Variants in MID2 observed in about 807,000 individuals in gnomAD.
The protein encoded by MID2 is probable E3 ubiquitin-protein ligase MID2.
Under a neutral mutation model 46.1 loss-of-function variants are expected in MID2, and 13 were observed. The observed-to-expected ratio is 0.28, with a 90% CI of 0.18 to 0.45. The LOEUF (loss-of-function observed/expected upper bound fraction) is 0.45. Among genes scored for constraint, MID2 ranks in the 20% least tolerant of loss-of-function variants. The pLI is 1.00. For missense variants in MID2, 431 were observed against 575.4 expected (o/e 0.75, Z 2.57); for synonymous variants, 199 against 212.3 (o/e 0.94, Z 0.55).
chrX:107,883,492 A>G (rs1932377232), intron 3 of MID2, among the ~76,000 whole-genome samples: 1 of 112,215 alleles, frequency 8.9e-6, no homozygotes, highest in Non-Finnish European at 1.9e-5. Flanking sequence ...TCACAATAAA[A>G]ATGTTTAAAA....
At chrX:107,826,607 C>T (rs1039865760) in intron 1 of MID2, among the ~76,000 whole-genome samples, 177 bp downstream of exon 1, 14 of 112,527 alleles carry the variant, frequency 1.2e-4, no homozygotes, top group Non-Finnish European at 2.1e-4. Context: ...GACGGGGGCC[C>T]CAGCTCAGCT....
At chrX:107,852,873 GA>G (rs1300964294) in intron 2 of MID2, among the ~76,000 whole-genome samples, 2 of 111,462 alleles carry the variant, frequency 1.8e-5, no homozygotes, top group African/African-American at 6.5e-5. Context: ...CACGAACTTT[GA>G]ACTACAAAAC....
rs1485413153 is a variant in MID2, at chrX:107,926,109, T to C, written c.1613T>C (p.Leu538Ser). The C allele has an allele frequency of 8.3e-7, 1 of 1,204,704 alleles. No homozygotes were observed. Among genetic ancestry groups the C allele is most frequent in the Admixed American group, 2.2e-5 (1 of 45,671 alleles). The change falls in exon 9 of 10, where the codon TTG becomes TCG. Residue 538 changes from leucine (L) to serine (S), a missense_variant. By Grantham distance (145) the Leu-to-Ser change is moderately radical (BLOSUM62 -2). Coordinates refer to ENST00000262843, the MANE Select transcript of MID2 (RefSeq NM_012216.4). The part of the protein sequence containing the change: ...RLKTNSQPFK[L>S]DPKMTHKKLK... Reference sequence around the variant, plus strand: ...TATTTTTCAGGCCAACCCTTTAAATTGGATCCCAAAATGACTCACAAGAAG... The same window carrying C: ...TATTTTTCAGGCCAACCCTTTAAATCGGATCCCAAAATGACTCACAAGAAG...
Position 107,927,078 on chromosome X carries a change from C to T in MID2, c.*5C>T. ...GGGATGAAAACCTGTCATTAAGTTT[C>T]AGGAGAGTATATAATTCACTGGCTC... On this transcript the variant is annotated 3_prime_UTR_variant, in exon 10 of 10. Transcript: ENST00000262843. The T allele has an allele frequency of 1.7e-6, 2 of 1,192,474 alleles. No homozygotes were observed. The highest frequency in any genetic ancestry group is 2.3e-6 in the Non-Finnish European group (2 of 884,450).
chrX:107,867,372 A>G (rs1931980314), intron 3 of MID2, among the ~76,000 whole-genome samples: 2 of 105,543 alleles, frequency 1.9e-5, no homozygotes, highest in South Asian at 8.7e-4. Context: ...CTTGTTGGCC[A>G]GGATGGTCTC....
intron 1 of MID2, among the ~76,000 whole-genome samples, chrX:107,833,580 A>G (rs1305535728): frequency 1.8e-5 from 2 of 109,710 alleles, no homozygotes; most frequent in Non-Finnish European, 3.8e-5. Context: ...CAGACCCGGA[A>G]GAAAAAAAAT....
intron 3 of MID2, chrX:107,895,906 G>C (rs765603203): frequency 8.9e-6 from 1 of 112,006 alleles, no homozygotes; most frequent in South Asian, 3.7e-4. Flanking sequence ...AGTAGGAATC[G>C]ATTATTTCTT....
rs146616495 is a variant in MID2 at position 107,877,178 on chromosome X, G to T, written c.816+22474G>T. Among the ~76,000 whole-genome samples, 461 of 112,415 alleles carry T rather than the reference G, an allele frequency of 4.1e-3. 2 individuals carry two copies. Among genetic ancestry groups the T allele is most frequent in the African/African-American group, 0.014 (440 of 30,960 alleles). On this transcript the variant is annotated intron_variant, in intron 3 of 9. Transcript: ENST00000262843. ...ATTACTTGCAAGGAAAAGAAAGTCT[G>T]CATGTATGGCCTCAGACCATCTGTC... is the stretch of plus-strand genomic sequence containing the variant.
At chrX:107,887,639 A>G (rs1207205495) in intron 3 of MID2, among the ~76,000 whole-genome samples, 4 of 111,828 alleles carry the variant, frequency 3.6e-5, no homozygotes, top group South Asian at 7.5e-4. Context: ...CTGGCCTCAT[A>G]AAATGAGTTA....
chrX:107,896,830 A>G (rs1379506119), intron 3 of MID2, among the ~76,000 whole-genome samples: 2 of 111,003 alleles, frequency 1.8e-5, no homozygotes, highest in African/African-American at 3.3e-5. Context: ...ACACACACAC[A>G]CGCACGCATA....
chrX:107,919,982 A>T (rs1468934394), intron 7 of MID2, among the ~76,000 whole-genome samples: 2 of 112,155 alleles, frequency 1.8e-5, no homozygotes, highest in Non-Finnish European at 3.8e-5. Context: ...CTACCTTCAA[A>T]TATACTTGCT....
At position 107,930,293 on chromosome X, in the gene MID2, T is replaced by C. The variant is rs73636331; in HGVS notation, c.*3220T>C. Among the ~76,000 whole-genome samples, 1,672 of 111,947 alleles carry C rather than the reference T, an allele frequency of 0.015. 36 individuals carry two copies. Among genetic ancestry groups the C allele is most frequent in the African/African-American group, 0.051 (1,585 of 30,851 alleles). On this transcript the variant is annotated 3_prime_UTR_variant, in exon 10 of 10. Transcript: ENST00000262843. ...TACTACTCCATTTGAGCTGTATTAA[T>C]TCTATTTTGCAGAGATATCAAGGCT...
chrX:107,909,580 T>C (rs147523777), intron 5 of MID2, among the ~76,000 whole-genome samples: 13 of 112,179 alleles, frequency 1.2e-4, no homozygotes, highest in Admixed American at 9.4e-5. Context: ...AGGGAACTCA[T>C]TGGGCTCTGC....
At chrX:107,882,493 T>TCAAA (rs1242292571) in intron 3 of MID2, among the ~76,000 whole-genome samples, 15 of 107,336 alleles carry the variant, frequency 1.4e-4, no homozygotes, top group Non-Finnish European at 2.1e-4. Flanking sequence ...TACAGTGAAC[T>TCAAA]CAAATTTACA....
Position 107,917,538 on chromosome X carries a change from T to C in MID2, c.1234T>C (p.Cys412Arg). 1 of 1,211,382 alleles carries C rather than the reference T, an allele frequency of 8.3e-7. No individual in the cohort carries two copies. Among genetic ancestry groups the C allele is most frequent in the Non-Finnish European group, 1.1e-6 (1 of 895,165 alleles). ...CCCACCATCTATCCGAGAAGAACTC[T>C]GTACTGCCTCCCATGACACCATTAC... is the stretch of plus-strand genomic sequence containing the variant. The part of the protein sequence containing the change: ...PNPPSIREEL[C>R]TASHDTITVH... Residue 412 changes from cysteine (C) to arginine (R), a missense_variant, in exon 7 of 10, where the codon TGT becomes CGT. Cys to Arg is a radical substitution (Grantham distance 180). Coordinates refer to ENST00000262843, the MANE Select transcript of MID2 (RefSeq NM_012216.4).
At chrX:107,885,133 T>A (rs780053376) in intron 3 of MID2, among the ~76,000 whole-genome samples, 21 of 106,417 alleles carry the variant, frequency 2.0e-4, no homozygotes, top group Admixed American at 6.9e-4. Flanking sequence ...TTATTTATTT[T>A]ATTATACTTT....
At chrX:107,844,555 ATTG>A (rs889646007) in intron 2 of MID2, among the ~76,000 whole-genome samples, 19 of 111,259 alleles carry the variant, frequency 1.7e-4, no homozygotes, top group Non-Finnish European at 3.0e-4. Flanking sequence ...CTTATAAAAG[ATTG>A]TTGTTATCGT....
intron 3 of MID2, among the ~76,000 whole-genome samples, chrX:107,869,377 T>G (rs1325432216): frequency 8.9e-6 from 1 of 111,895 alleles, no homozygotes; most frequent in Non-Finnish European, 1.9e-5. Flanking sequence ...TTGATTATAC[T>G]GACTTTTTGG....
intron 3 of MID2, among the ~76,000 whole-genome samples, chrX:107,876,730 A>G (rs956454243): frequency 2.7e-5 from 3 of 112,092 alleles, no homozygotes; most frequent in African/African-American, 9.7e-5. Flanking sequence ...TTTGATTCAA[A>G]AGTAACATAA....
Sources: gnomAD v4.1 joint callset for allele counts (sites outside exome capture counted in the v4.1 genomes callset) on GRCh38, gnomAD v4.1.1 for gene constraint, MANE v1.5 for transcripts, NCBI Gene and HGNC (gene_info 2026-07-23, HGNC 2026-07-21) for gene names.